SPATA6: variants seen among roughly 807,000 people sequenced by gnomAD.
SPATA6 encodes spermatogenesis associated 6.
SPATA6 carries 56 observed loss-of-function variants against 65.3 expected under a neutral mutation model. That is an observed-to-expected ratio of 0.86 (90% CI 0.69 to 1.07). The LOEUF (loss-of-function observed/expected upper bound fraction) is 1.07. Ranked by LOEUF, SPATA6 falls within the 50% of genes least tolerant of loss-of-function variation. The pLI, the probability that SPATA6 is intolerant of heterozygous loss-of-function variation, is 0.00. For missense variants in SPATA6, 590 were observed against 594.8 expected, an observed-to-expected ratio of 0.99 and a Z score of 0.08; for synonymous variants, 199 against 213.2, an observed-to-expected ratio of 0.93 and a Z score of 0.58.
chr1:48,456,231 A>G (rs1656988698), intron 1 of SPATA6, among the ~76,000 whole-genome samples: 1 of 152,236 alleles, frequency 6.6e-6, no homozygotes, highest in African/African-American at 2.4e-5. Context: ...TGGTTCAAAC[A>G]TTTAAGGAAA....
the SPATA6 span, among the ~76,000 whole-genome samples, chr1:48,271,873 GTCAA>G: frequency 6.6e-5 from 10 of 152,202 alleles, 1 homozygote; most frequent in East Asian, 1.9e-3. Context: ...CTAAACATGA[GTCAA>G]TCAATAGATA....
At chr1:48,434,667 G>C (rs1654724098) in intron 3 of SPATA6, among the ~76,000 whole-genome samples, 1 of 152,112 alleles carries the variant, frequency 6.6e-6, no homozygotes, top group African/African-American at 2.4e-5. Flanking sequence ...TGGCAGTATA[G>C]TGAGAGAACA....
At chr1:48,415,902 A>T (rs1261010224) in intron 3 of SPATA6, among the ~76,000 whole-genome samples, 1 of 152,162 alleles carries the variant, frequency 6.6e-6, no homozygotes, top group East Asian at 1.9e-4. Flanking sequence ...TGAAAATCAA[A>T]GACAAAAGAA....
chr1:48,317,650 A>G (rs1158817463), intron 11 of SPATA6, among the ~76,000 whole-genome samples: 1 of 152,222 alleles, frequency 6.6e-6, no homozygotes, highest in Admixed American at 6.5e-5. Context: ...CACGTTGTGC[A>G]CATGTACCTT....
chr1:48,279,520 G>A, the SPATA6 span, among the ~76,000 whole-genome samples: 1 of 152,094 alleles, frequency 6.6e-6, no homozygotes. Flanking sequence ...AAAAAAGGCA[G>A]GGGTTGCAAT....
chr1:48,367,644 G>A (rs1348983843), intron 9 of SPATA6, among the ~76,000 whole-genome samples: 1 of 151,874 alleles, frequency 6.6e-6, no homozygotes, highest in Non-Finnish European at 1.5e-5. Flanking sequence ...TTTTCCATTT[G>A]CTTGGTAGAT....
chr1:48,408,099 C>A (rs1169593779), intron 5 of SPATA6, among the ~76,000 whole-genome samples: 1 of 152,156 alleles, frequency 6.6e-6, no homozygotes, highest in Non-Finnish European at 1.5e-5. Context: ...ACTTAGTCAA[C>A]TTTTATACTT....
chr1:48,442,717 T>TAAAAAAAAAAAAAAAAAAAAAAAAA (rs71056669), intron 3 of SPATA6, among the ~76,000 whole-genome samples: 1 of 46,212 alleles, frequency 2.2e-5, no homozygotes, highest in African/African-American at 9.2e-5. Flanking sequence ...ATGGAAGTAG[T>TAAAAAAAAAAAAAAAAAAAAAAAAA]AAAAAAAAAA....
chr1:48,279,437 A>C, the SPATA6 span, among the ~76,000 whole-genome samples: 1 of 152,206 alleles, frequency 6.6e-6, no homozygotes, highest in African/African-American at 2.4e-5. Context: ...CAGCAAACCC[A>C]TCTCATGTGC....
At chr1:48,281,419 A>G in the SPATA6 span, among the ~76,000 whole-genome samples, 102 of 152,190 alleles carry the variant, frequency 6.7e-4, 1 homozygote, top group South Asian at 0.019. Context: ...TGACATGATT[A>G]TATATCTAGA....
At position 48,453,106 on chromosome 1, in the gene SPATA6, T is replaced by A; in HGVS notation, c.77A>T (p.Lys26Ile). 1 of 1,613,116 alleles carries A rather than the reference T, an allele frequency of 6.2e-7. No homozygotes were observed. The highest frequency in any genetic ancestry group is 2.2e-5 in the East Asian group (1 of 44,806). ...GCTAAGATAGATGTCCTCTTTGTCT[T>A]TAAGCACGACTCCTGGGCAAGTTAC... ...SSVTCPGVVL[K>I]DKEDIYLSIC... Residue 26 changes from lysine to isoleucine, a missense_variant, in exon 2 of 13, where the codon AAA (lysine) becomes ATA (isoleucine). Transcript: ENST00000371847.
chr1:48,412,940 T>C (rs1460891514), intron 4 of SPATA6, among the ~76,000 whole-genome samples, 170 bp downstream of exon 4: 2 of 150,024 alleles, frequency 1.3e-5, no homozygotes, highest in Non-Finnish European at 3.0e-5. Flanking sequence ...GATTTTGAAG[T>C]AAAAAAAAAT....
At chr1:48,302,303 G>T (rs903037101) in intron 12 of SPATA6, among the ~76,000 whole-genome samples, 5 of 152,088 alleles carry the variant, frequency 3.3e-5, no homozygotes, top group African/African-American at 1.2e-4. Flanking sequence ...TCAGCTTTTA[G>T]TGTACTCATG....
intron 3 of SPATA6, among the ~76,000 whole-genome samples, chr1:48,432,925 T>C (rs950611550): frequency 6.6e-6 from 1 of 152,186 alleles, no homozygotes; most frequent in African/African-American, 2.4e-5. Flanking sequence ...GATGTATGCA[T>C]ACAATGGAAT....
chr1:48,429,615 T>C (rs1422057992), intron 3 of SPATA6, among the ~76,000 whole-genome samples: 2 of 151,952 alleles, frequency 1.3e-5, no homozygotes, highest in Admixed American at 6.6e-5. Context: ...ACAAGAAATA[T>C]GCTGCAGTCA....
At chr1:48,365,422 T>C (rs1234709611) in intron 9 of SPATA6, among the ~76,000 whole-genome samples, 2 of 152,226 alleles carry the variant, frequency 1.3e-5, no homozygotes. Context: ...TGATTCTTCC[T>C]ACCCATGAGC....
At chr1:48,438,605 C>A (rs1054629292) in intron 3 of SPATA6, among the ~76,000 whole-genome samples, 19 of 152,262 alleles carry the variant, frequency 1.2e-4, no homozygotes, top group Non-Finnish European at 1.2e-4. Flanking sequence ...TAGCCATGAT[C>A]GGAACTCTCA....
At chr1:48,369,783 C>G (rs1335888033) in intron 9 of SPATA6, among the ~76,000 whole-genome samples, 1 of 152,212 alleles carries the variant, frequency 6.6e-6, no homozygotes, top group African/African-American at 2.4e-5. Flanking sequence ...ACTGCACCCA[C>G]TGTCCTGCAC....
chr1:48,292,952 G>A (rs972652788), downstream of SPATA6, among the ~76,000 whole-genome samples: 1 of 152,176 alleles, frequency 6.6e-6, no homozygotes. Flanking sequence ...CTAGTCAGCT[G>A]GGGTCCATGA....
Sources: gnomAD v4.1 joint callset for allele counts (sites outside exome capture counted in the v4.1 genomes callset) on GRCh38, gnomAD v4.1.1 for gene constraint, MANE v1.5 for transcripts, NCBI Gene and HGNC (gene_info 2026-07-23, HGNC 2026-07-21) for gene names.